Variants in ASB18 observed in about 807,000 individuals in gnomAD.
ASB18 encodes ankyrin repeat and SOCS box containing 18, also known as ankyrin repeat and SOCS box protein 18.
ASB18 carries 33 observed loss-of-function variants against 33.4 expected under a neutral mutation model. That is an observed-to-expected ratio of 0.99 (90% CI 0.75 to 1.32). ASB18 has a LOEUF of 1.32. ASB18 is among the 40% of genes most tolerant of loss of function. The probability of loss-of-function intolerance (pLI) is 0.00; values close to 1 mark genes in which losing one functional copy is unlikely to be tolerated. For missense variants in ASB18, 694 were observed against 655.5 expected, an observed-to-expected ratio of 1.06 and a Z score of -0.64; for synonymous variants, 295 against 307.6, an observed-to-expected ratio of 0.96 and a Z score of 0.43.
rs879923944 is a variant in ASB18 at position 236,196,993 on chromosome 2, CT to C, written c.1102-609del. 7.9e-5 allele frequency among the ~76,000 whole-genome samples: 12 copies of C among 152,146 alleles called. No individual in the cohort carries two copies. The highest frequency in any genetic ancestry group is 2.2e-4 in the African/African-American group (9 of 41,528). On this transcript the variant is annotated intron_variant, in intron 4 of 5. Coordinates refer to ENST00000409749, the MANE Select transcript of ASB18 (RefSeq NM_212556.4). This position sits in a 1 kb window ranked among gnomAD's most constrained non-coding sequence, Gnocchi z 5.6. ...ACACTATTTGCTTTTAAAAAATAAA[CT>C]TTTTTTTGTTATGGAGAAGTTTGAA...
chr2:236,261,954 A>T (rs369866098), intron 1 of ASB18, among the ~76,000 whole-genome samples: 376 of 152,328 alleles, frequency 2.5e-3, no homozygotes, highest in Non-Finnish European at 3.9e-3. Context: ...TGATTCAATT[A>T]TCTCCCACTG....
rs752590639 is a variant in ASB18 at position 236,205,418 on chromosome 2, T to G, written c.1101+8944A>C. On this transcript the variant is annotated intron_variant, in intron 4 of 5. Transcript: ENST00000409749. The surrounding 1 kb of genome is among the most constrained non-coding windows in gnomAD (Gnocchi z 5.4). ...CAGTGGGTCCCTCACATCTCTCAAG[T>G]CTTTGTTCAGCAGTCACTGACCCTA... Among the ~76,000 whole-genome samples the G allele has an allele frequency of 1.3e-5, 2 of 152,230 alleles. No individual in the cohort carries two copies. Among genetic ancestry groups the G allele is most frequent in the Non-Finnish European group, 2.9e-5 (2 of 68,046 alleles).
rs749748728 is a variant in ASB18, at chr2:236,237,737, G to A, written c.548C>T (p.Ala183Val). The A allele has an allele frequency of 6.8e-7, 1 of 1,460,446 alleles. No homozygotes were observed. The highest frequency in any genetic ancestry group is 9.0e-7 in the Non-Finnish European group (1 of 1,112,010). The allele number at this position is 1,460,446 out of a possible 1,614,324, so 90.5% of individuals were successfully genotyped here. A position where few individuals can be genotyped will look rare whatever the true frequency, so the allele number is the denominator to read the frequency against. The change falls in exon 3 of 6, where the codon GCC (alanine) becomes GTC (valine). Residue 183 changes from alanine to valine, a missense_variant. Transcript: ENST00000409749. The surrounding 1 kb of genome is among the most constrained non-coding windows in gnomAD (Gnocchi z 6.2). ...GAGGTGCAGAGGCGCCAGGCCCTCG[G>A]CGCTGAGCAGGTCGGGGTCGGCGCG... ...QHRADPDLLS[A>V]EGLAPLHLCR...
At position 236,193,639 on chromosome 2, in the gene ASB18, A is replaced by C. The variant is rs2060357647; in HGVS notation, c.*1233T>G. On this transcript the variant is annotated 3_prime_UTR_variant, in exon 6 of 6. Coordinates refer to ENST00000409749, the MANE Select transcript of ASB18 (RefSeq NM_212556.4). The surrounding 1 kb of genome is among the most constrained non-coding windows in gnomAD (Gnocchi z 5.0). ...TGGAGAAACCCCGTCTCTACTAAAA[A>C]TAAAAAATTAGCCGGGCGTGCTGGC... Among the ~76,000 whole-genome samples the C allele has an allele frequency of 6.6e-6, 1 of 152,196 alleles. No individual in the cohort carries two copies. The highest frequency in any genetic ancestry group is 6.5e-5 in the Admixed American group (1 of 15,286).
At position 236,208,919 on chromosome 2, in the gene ASB18, A is replaced by G. The variant is rs947655999; in HGVS notation, c.1101+5443T>C. Among the ~76,000 whole-genome samples the G allele has an allele frequency of 2.0e-5, 3 of 152,248 alleles. No homozygotes were observed. The highest frequency in any genetic ancestry group is 7.2e-5 in the African/African-American group (3 of 41,464). On this transcript the variant is annotated intron_variant, in intron 4 of 5. Coordinates refer to ENST00000409749, the MANE Select transcript of ASB18 (RefSeq NM_212556.4). This position sits in a 1 kb window ranked among gnomAD's most constrained non-coding sequence, Gnocchi z 7.7. ...CTCTTCAGCTAATGAGGCGGCAGAA[A>G]GAAAATTAAGGGGAAAAATCACACA...
At chr2:236,210,147 G>C (rs1033875106) in intron 4 of ASB18, among the ~76,000 whole-genome samples, 7 of 152,188 alleles carry the variant, frequency 4.6e-5, no homozygotes, top group African/African-American at 1.4e-4. Context: ...CACCAGGGTG[G>C]GAAATACACA....
In ASB18 at chr2:236,223,784, G is replaced by A. The variant is rs2060523691; in HGVS notation, c.597-8918C>T. 6.6e-6 allele frequency among the ~76,000 whole-genome samples: 1 copy of A among 152,210 alleles called. No individual in the cohort carries two copies. Among genetic ancestry groups the A allele is most frequent in the East Asian group, 1.9e-4 (1 of 5,176 alleles). On this transcript the variant is annotated intron_variant, in intron 3 of 5. Coordinates refer to ENST00000409749, the MANE Select transcript of ASB18 (RefSeq NM_212556.4). This position sits in a 1 kb window ranked among gnomAD's most constrained non-coding sequence, Gnocchi z 4.6. ...ATTTTCTAAAATTTTCCACTTTTTTGTATCTGGCTTCTTTTGCTCAGCATC... is the reference window on the plus strand; with the variant it reads ...ATTTTCTAAAATTTTCCACTTTTTTATATCTGGCTTCTTTTGCTCAGCATC...
At position 236,257,101 on chromosome 2, in the gene ASB18, C is replaced by T. The variant is rs1041028463; in HGVS notation, c.205+7040G>A. Among the ~76,000 whole-genome samples, 3 of 152,116 alleles carry T rather than the reference C, an allele frequency of 2.0e-5. No homozygotes were observed. The highest frequency in any genetic ancestry group is 4.8e-5 in the African/African-American group (2 of 41,422). ...GATCTGGGTGAATCAATTCAGGCAG[C>T]GCATAATTGAGTCTGTTAGCAAGGA... On this transcript the variant is annotated intron_variant, in intron 1 of 5. Transcript: ENST00000409749. The surrounding 1 kb of genome is among the most constrained non-coding windows in gnomAD (Gnocchi z 5.5).
rs563184065 is a variant in ASB18, at chr2:236,251,608, T to C, written c.206-10206A>G. On this transcript the variant is annotated intron_variant, in intron 1 of 5. Coordinates refer to ENST00000409749, the MANE Select transcript of ASB18 (RefSeq NM_212556.4). The surrounding 1 kb of genome is among the most constrained non-coding windows in gnomAD (Gnocchi z 5.3). The stretch of plus-strand genomic sequence containing the variant: ...TGAGAAGGGTGGTCTAGGAGACAAT[T>C]TGGTCAACACTGCATCCAGCAAAGT... Among the ~76,000 whole-genome samples, 2 of 152,308 alleles carry C rather than the reference T, an allele frequency of 1.3e-5. No homozygotes were observed. Among genetic ancestry groups the C allele is most frequent in the Non-Finnish European group, 2.9e-5 (2 of 68,036 alleles).
At chr2:236,261,204 G>A (rs1274757461) in intron 1 of ASB18, among the ~76,000 whole-genome samples, 1 of 152,162 alleles carries the variant, frequency 6.6e-6, no homozygotes, top group African/African-American at 2.4e-5. Context: ...TCAAAGAGGT[G>A]GTGTGACATG....
chr2:236,224,607 A>T (rs1328816702), intron 3 of ASB18, among the ~76,000 whole-genome samples: 1 of 152,220 alleles, frequency 6.6e-6, no homozygotes, highest in Non-Finnish European at 1.5e-5. Context: ...CATTGTTCTC[A>T]CAACCTTTGG....
chr2:236,264,158 G>A lies in ASB18; in HGVS notation c.188C>T (p.Pro63Leu), dbSNP rs1406517353. 1 of 1,613,854 alleles carries A rather than the reference G, an allele frequency of 6.2e-7. No homozygotes were observed. The highest frequency in any genetic ancestry group is 8.5e-7 in the Non-Finnish European group (1 of 1,179,862). The change falls in exon 1 of 6, where the codon CCC (proline) becomes CTC (leucine). Residue 63 changes from proline to leucine, a missense_variant. Pro to Leu is a moderately conservative substitution (Grantham distance 98, BLOSUM62 -3). Transcript: ENST00000409749. The surrounding 1 kb of genome is among the most constrained non-coding windows in gnomAD (Gnocchi z 5.1). Reference sequence around the variant, plus strand: ...CTGGTTACCTAGCAGCATGCCGGTGGGCAGCTGAGCCGAGGGGTCTTTCAT... The same window carrying A: ...CTGGTTACCTAGCAGCATGCCGGTGAGCAGCTGAGCCGAGGGGTCTTTCAT... ...DWMKDPSAQL[P>L]TGMLLGDLDH...
chr2:236,237,583 G>A lies in ASB18; in HGVS notation c.596+106C>T. On this transcript the variant is annotated intron_variant, in intron 3 of 5. Transcript: ENST00000409749. This position sits in a 1 kb window ranked among gnomAD's most constrained non-coding sequence, Gnocchi z 6.2. ...GGGTGCAGGGTCTGGGTCCGGAGGC[G>A]GGGGCTGGGACGGAGGCGGAGGCGG... The A allele has an allele frequency of 1.0e-6, 1 of 966,560 alleles. No individual in the cohort carries two copies. The highest frequency in any genetic ancestry group is 1.4e-6 in the Non-Finnish European group (1 of 720,522). The allele number at this position is 966,560 out of a possible 1,614,324, so 59.9% of individuals were successfully genotyped here. A position where few individuals can be genotyped will look rare whatever the true frequency, so the allele number is the denominator to read the frequency against.
At chr2:236,227,796 A>T (rs10174524) in intron 3 of ASB18, among the ~76,000 whole-genome samples, 20,805 of 152,244 alleles carry the variant, frequency 0.14, 1,499 homozygotes, top group Middle Eastern at 0.22. Flanking sequence ...TCTGGTAGAA[A>T]TCCACTGGCA....
intron 4 of ASB18, among the ~76,000 whole-genome samples, chr2:236,207,346 T>C (rs921195997): frequency 6.6e-6 from 1 of 152,250 alleles, no homozygotes; most frequent in Non-Finnish European, 1.5e-5. Flanking sequence ...TTTCATGTCA[T>C]TCTATTGAGT....
rs2060423957 is a variant in ASB18, at chr2:236,204,576, C to T, written c.1102-8191G>A. On this transcript the variant is annotated intron_variant, in intron 4 of 5. Coordinates refer to ENST00000409749, the MANE Select transcript of ASB18 (RefSeq NM_212556.4). This position sits in a 1 kb window ranked among gnomAD's most constrained non-coding sequence, Gnocchi z 5.1. ...GTTGGCCAAATCTCTCCCTCTCAAA[C>T]TTTGGGCTTCGATATCCAGCTGCTT... Among the ~76,000 whole-genome samples, 1 of 152,226 alleles carries T rather than the reference C, an allele frequency of 6.6e-6. No individual in the cohort carries two copies. Among genetic ancestry groups the T allele is most frequent in the Non-Finnish European group, 1.5e-5 (1 of 68,048 alleles).
chr2:236,263,866 C>A lies in ASB18; in HGVS notation c.205+275G>T, dbSNP rs909606726. Reference sequence around the variant, plus strand: ...GTTATCAGTGGGTGAAATTTACACACGCAAATGGACAGGCTTGGAAAACAA... The same window carrying A: ...GTTATCAGTGGGTGAAATTTACACAAGCAAATGGACAGGCTTGGAAAACAA... On this transcript the variant is annotated intron_variant, in intron 1 of 5. Transcript: ENST00000409749. This position sits in a 1 kb window ranked among gnomAD's most constrained non-coding sequence, Gnocchi z 4.0. Among the ~76,000 whole-genome samples the A allele has an allele frequency of 6.6e-6, 1 of 152,104 alleles. No individual in the cohort carries two copies. The highest frequency in any genetic ancestry group is 1.5e-5 in the Non-Finnish European group (1 of 68,024).
At position 236,222,736 on chromosome 2, in the gene ASB18, G is replaced by A. The variant is rs1489661743; in HGVS notation, c.597-7870C>T. On this transcript the variant is annotated intron_variant, in intron 3 of 5. Coordinates refer to ENST00000409749, the MANE Select transcript of ASB18 (RefSeq NM_212556.4). The surrounding 1 kb of genome is among the most constrained non-coding windows in gnomAD (Gnocchi z 5.5). ...TGATCTGGCTGTTTAAAAGCATGTG[G>A]CAGCCAGGTGTGGTGGCTCACGCCT... is the stretch of plus-strand genomic sequence containing the variant. 6.6e-6 allele frequency among the ~76,000 whole-genome samples: 1 copy of A among 152,166 alleles called. No individual in the cohort carries two copies. The highest frequency in any genetic ancestry group is 1.5e-5 in the Non-Finnish European group (1 of 68,030).
In ASB18 at chr2:236,209,001, C is replaced by T. The variant is rs988187693; in HGVS notation, c.1101+5361G>A. Among the ~76,000 whole-genome samples the T allele has an allele frequency of 3.3e-5, 5 of 152,100 alleles. No homozygotes were observed. Among genetic ancestry groups the T allele is most frequent in the Non-Finnish European group, 7.4e-5 (5 of 68,016 alleles). ...AAAACGACAGCAAGAAAAACACAGG[C>T]GCCCTACTTATGATCTCCCCTCTCT... On this transcript the variant is annotated intron_variant, in intron 4 of 5. Transcript: ENST00000409749. This position sits in a 1 kb window ranked among gnomAD's most constrained non-coding sequence, Gnocchi z 4.4.
Sources: allele counts gnomAD v4.1 joint callset (sites outside exome capture counted in the v4.1 genomes callset), GRCh38; gene constraint gnomAD v4.1.1; non-coding constraint Gnocchi (gnomAD v3.1); transcripts MANE v1.5; gene names NCBI Gene and HGNC (gene_info 2026-07-23, HGNC 2026-07-21).